Variants in SFRP1 observed in about 807,000 individuals in gnomAD.
SFRP1 encodes secreted frizzled-related protein 1.
A neutral mutation model predicts 25.9 loss-of-function variants in SFRP1; 9 were observed. That is an observed-to-expected ratio of 0.35 (90% CI 0.21 to 0.61). SFRP1 has a LOEUF of 0.61. SFRP1 is among the 20% of genes least tolerant of loss of function. SFRP1 has a pLI of 0.78. For missense variants in SFRP1, 346 were observed against 418.2 expected (o/e 0.83, Z 1.51); for synonymous variants, 178 against 174.0 (o/e 1.02, Z -0.18).
chr8:41,282,034 G>A (rs992319518), intron 2 of SFRP1, among the ~76,000 whole-genome samples: 15 of 152,196 alleles, frequency 9.9e-5, no homozygotes, highest in Admixed American at 3.9e-4. Context: ...GGCCAAGGGC[G>A]CAAAAGGTGG....
At chr8:41,301,269 TCTG>T (rs1803912623) in intron 2 of SFRP1, among the ~76,000 whole-genome samples, 1 of 152,206 alleles carries the variant, frequency 6.6e-6, no homozygotes, top group Non-Finnish European at 1.5e-5. Flanking sequence ...CTCTTTCTTC[TCTG>T]CTGTGTGTCA....
chr8:41,284,038 CT>C (rs781061757), intron 2 of SFRP1, among the ~76,000 whole-genome samples: 4 of 152,218 alleles, frequency 2.6e-5, no homozygotes, highest in Non-Finnish European at 5.9e-5. Flanking sequence ...CCAGCATTAC[CT>C]GTTTGCCATG....
In SFRP1 at chr8:41,308,659, G is replaced by A. The variant is rs766598576; in HGVS notation, c.501C>T (p.Ile167=). 12 of 1,609,622 alleles carry A rather than the reference G, an allele frequency of 7.5e-6. No homozygotes were observed. The Admixed American group carries it at 2.0e-4, about 27-fold the overall frequency. Residue 167 remains isoleucine (I), a synonymous_variant, in exon 1 of 3, where the codon ATC becomes ATT. Coordinates refer to ENST00000220772, the MANE Select transcript of SFRP1 (RefSeq NM_003012.5). ...CDKFPEGDVC[I]AMTPPNATEA... ...CGGTGGCATTGGGCGGCGTCATGGC[G>A]ATGCAGACGTCCCCCTCGGGGAACT...
intron 1 of SFRP1, among the ~76,000 whole-genome samples, chr8:41,307,380 G>A (rs1804011508): frequency 6.6e-6 from 1 of 152,176 alleles, no homozygotes; most frequent in Non-Finnish European, 1.5e-5. Flanking sequence ...TCTAAAATTT[G>A]GGGTATCCCT....
Position 41,288,523 on chromosome 8 carries a change from C to A in SFRP1, c.622+14938G>T, listed in dbSNP as rs533325999. Among the ~76,000 whole-genome samples the A allele has an allele frequency of 2.3e-3, 214 of 93,558 alleles. 3 individuals carry two copies. Among genetic ancestry groups the A allele is most frequent in the Non-Finnish European group, 6.4e-4 (34 of 52,722 alleles). 61.4% of individuals were successfully genotyped at this position (93,558 alleles called of 152,430 possible). ...CCGCAGTCCAGCCTGGGCAAAGAGACCCTGTCCAAAAAAAAAAAAAAAAAA... is the reference window on the plus strand; with the variant it reads ...CCGCAGTCCAGCCTGGGCAAAGAGAACCTGTCCAAAAAAAAAAAAAAAAAA... On this transcript the variant is annotated intron_variant, in intron 2 of 2. Transcript: ENST00000220772.
intron 2 of SFRP1, among the ~76,000 whole-genome samples, chr8:41,287,064 G>A (rs1803714503): frequency 6.6e-6 from 1 of 152,194 alleles, no homozygotes; most frequent in Admixed American, 6.5e-5. Context: ...ACGGAACAAG[G>A]CAGCCTGCCC....
intron 2 of SFRP1, among the ~76,000 whole-genome samples, chr8:41,287,553 C>T (rs1803720500): frequency 6.6e-6 from 1 of 152,216 alleles, no homozygotes; most frequent in Non-Finnish European, 1.5e-5. Context: ...CCTGGCTCTA[C>T]ATCTCAAGCC....
intron 2 of SFRP1, among the ~76,000 whole-genome samples, chr8:41,273,595 A>G (rs933434864): frequency 3.3e-4 from 50 of 152,238 alleles, no homozygotes; most frequent in Non-Finnish European, 1.5e-5. Flanking sequence ...CAAGCTAATT[A>G]GCATGTACAT....
At position 41,285,857 on chromosome 8, in the gene SFRP1, G is replaced by A. The variant is rs565745238; in HGVS notation, c.622+17604C>T. On this transcript the variant is annotated intron_variant, in intron 2 of 2. Transcript: ENST00000220772. ...TGGCCAGGCTCAGGCTAGGGTCGGGGGTGCCAATGATCCCTCCCAGCCGCC... is the reference window on the plus strand; with the variant it reads ...TGGCCAGGCTCAGGCTAGGGTCGGGAGTGCCAATGATCCCTCCCAGCCGCC... 2.0e-5 allele frequency among the ~76,000 whole-genome samples: 3 copies of A among 152,318 alleles called. No homozygotes were observed. The South Asian group carries it at 6.2e-4, about 32-fold the overall frequency.
chr8:41,293,657 T>C (rs1803805112), intron 2 of SFRP1, among the ~76,000 whole-genome samples: 1 of 151,884 alleles, frequency 6.6e-6, no homozygotes, highest in African/African-American at 2.4e-5. Context: ...TCCTGAGTGC[T>C]AGAACTACGC....
intron 2 of SFRP1, chr8:41,271,471 A>C (rs1191933035): frequency 5.4e-6 from 1 of 186,124 alleles, no homozygotes; most frequent in African/African-American, 2.3e-5. Context: ...ATCCAAAAAA[A>C]TTCGGCCAGG....
chr8:41,271,930 G>A (rs569886347), intron 2 of SFRP1, among the ~76,000 whole-genome samples: 39 of 152,012 alleles, frequency 2.6e-4, no homozygotes, highest in South Asian at 2.3e-3. Context: ...GCACCCCTGC[G>A]CTCCAGCCTG....
Position 41,270,634 on chromosome 8 carries a change from A to C in SFRP1, c.623-5145T>G, listed in dbSNP as rs376940178. The stretch of plus-strand genomic sequence containing the variant: ...CTCAAACCTACTCCCCTGGGCCATG[A>C]GTCCAGGTGGCTGCCCTCACCAACT... On this transcript the variant is annotated intron_variant, in intron 2 of 2. Transcript: ENST00000220772. Among the ~76,000 whole-genome samples the C allele has an allele frequency of 3.9e-5, 6 of 152,150 alleles. No homozygotes were observed. In the East Asian group the frequency reaches 9.7e-4, roughly 25 times the overall value.
chr8:41,265,223 A>C lies in SFRP1; in HGVS notation c.889T>G (p.Phe297Val), dbSNP rs1460724002. 6.2e-7 allele frequency: 1 copy of C among 1,611,266 alleles called. No homozygotes were observed. The highest frequency in any genetic ancestry group is 8.5e-7 in the Non-Finnish European group (1 of 1,178,558). ...TCATGGTTTTTCATTTTCTTCATGA[A>C]GTTTTTGAACTCCTTGTTTTTCTTG... ...WDKKNKEFKN[F>V]MKKMKNHECP... is the part of the protein sequence containing the mutation. Residue 297 changes from phenylalanine to valine, a missense_variant, in exon 3 of 3, where the codon TTC becomes GTC. By Grantham distance (50) the Phe-to-Val change is conservative. Coordinates refer to ENST00000220772, the MANE Select transcript of SFRP1 (RefSeq NM_003012.5).
intron 1 of SFRP1, chr8:41,306,653 C>A: frequency 1.3e-6 from 2 of 1,543,896 alleles, no homozygotes; most frequent in Non-Finnish European, 1.7e-6. Flanking sequence ...TCCCAAGCCC[C>A]ACTCCCGACC....
At chr8:41,291,008 A>G (rs1442659584) in intron 2 of SFRP1, among the ~76,000 whole-genome samples, 1 of 139,814 alleles carries the variant, frequency 7.2e-6, no homozygotes, top group Non-Finnish European at 1.5e-5. Flanking sequence ...CCAGGTTCAC[A>G]CCTTTCTCCT....
chr8:41,274,838 T>C (rs1803552392), intron 2 of SFRP1, among the ~76,000 whole-genome samples: 1 of 152,200 alleles, frequency 6.6e-6, no homozygotes, highest in Non-Finnish European at 1.5e-5. Context: ...TCAGTGTATA[T>C]AAAATATAAA....
chr8:41,304,008 A>T (rs1459108539), intron 1 of SFRP1, among the ~76,000 whole-genome samples: 1 of 152,070 alleles, frequency 6.6e-6, no homozygotes, highest in Non-Finnish European at 1.5e-5. Flanking sequence ...AGGAGCCAAG[A>T]GAGAAAGAAA....
chr8:41,264,241 T>C lies in SFRP1; in HGVS notation c.*926A>G, dbSNP rs867283085. 1 of 152,362 alleles carries C rather than the reference T, an allele frequency of 6.6e-6. No homozygotes were observed. The highest frequency in any genetic ancestry group is 2.4e-5 in the African/African-American group (1 of 41,584). 9.4% of individuals were successfully genotyped at this position (152,362 alleles called of 1,614,324 possible). A position where few individuals can be genotyped will look rare whatever the true frequency, so the allele number is the denominator to read the frequency against. Reference sequence around the variant, plus strand: ...AATGTGAAAAGGAAAAAACATGAGATTAGAATCCTAAGCTCTTCACCCAAT... The same window carrying C: ...AATGTGAAAAGGAAAAAACATGAGACTAGAATCCTAAGCTCTTCACCCAAT... On this transcript the variant is annotated 3_prime_UTR_variant, in exon 3 of 3. Coordinates refer to ENST00000220772, the MANE Select transcript of SFRP1 (RefSeq NM_003012.5).
Sources: gnomAD v4.1 joint callset for allele counts (sites outside exome capture counted in the v4.1 genomes callset) on GRCh38, gnomAD v4.1.1 for gene constraint, MANE v1.5 for transcripts, NCBI Gene and HGNC (gene_info 2026-07-23, HGNC 2026-07-21) for gene names.